The following RAB21 variants were observed in gnomAD, a reference collection of about 807,000 sequenced individuals.
RAB21 encodes the protein ras-related protein Rab-21.
A neutral mutation model predicts 33.1 loss-of-function variants in RAB21; 13 were observed. The observed-to-expected ratio is 0.39, with a 90% CI of 0.26 to 0.62. The LOEUF (loss-of-function observed/expected upper bound fraction) is 0.62. RAB21 is among the 20% of genes least tolerant of loss of function. The pLI, the probability that RAB21 is intolerant of heterozygous loss-of-function variation, is 0.48. For synonymous variants in RAB21, 91 were observed against 103.7 expected (o/e 0.88, Z 0.74); for missense variants, 234 against 279.1 (o/e 0.84, Z 1.15).
At position 71,792,503 on chromosome 12, in the gene RAB21, T is replaced by A. The variant is rs1883401191; in HGVS notation, c.*6830T>A. ...TGTCAAGACTATAGCTTAGCATATG[T>A]GTGCTATGACACAAGGTTAAACGTG... On this transcript the variant is annotated 3_prime_UTR_variant, in exon 7 of 7. Coordinates refer to ENST00000261263, the MANE Select transcript of RAB21 (RefSeq NM_014999.4). The A allele has an allele frequency of 6.6e-6, 1 of 152,240 alleles. No individual in the cohort carries two copies. Among genetic ancestry groups the A allele is most frequent in the Non-Finnish European group, 1.5e-5 (1 of 68,034 alleles). 9.4% of individuals were successfully genotyped at this position (152,240 alleles called of 1,614,324 possible).
rs1171123800 is a variant in RAB21, at chr12:71,797,445, A to G, written c.*11772A>G. Reference sequence around the variant, plus strand: ...ATAAACAAGTTATATGCGTGACCACAAAACCAAAACTTTGTATTTCACATG... The same window carrying G: ...ATAAACAAGTTATATGCGTGACCACGAAACCAAAACTTTGTATTTCACATG... On this transcript the variant is annotated 3_prime_UTR_variant, in exon 7 of 7. Transcript: ENST00000261263. The G allele has an allele frequency of 6.6e-6, 1 of 152,110 alleles. No individual in the cohort carries two copies. Among genetic ancestry groups the G allele is most frequent in the East Asian group, 1.9e-4 (1 of 5,200 alleles). 9.4% of individuals were successfully genotyped at this position (152,110 alleles called of 1,614,324 possible).
chr12:71,762,979 G>C (rs753891133), intron 1 of RAB21, among the ~76,000 whole-genome samples: 4 of 152,060 alleles, frequency 2.6e-5, no homozygotes, highest in Non-Finnish European at 5.9e-5. Context: ...AAGTATGGAA[G>C]TGGTAATGCT....
intron 1 of RAB21, among the ~76,000 whole-genome samples, chr12:71,759,843 C>T (rs530816989): frequency 1.3e-5 from 2 of 152,328 alleles, no homozygotes; most frequent in South Asian, 4.1e-4. Context: ...TGAATTCTTA[C>T]TCCCACTTCA....
Position 71,795,455 on chromosome 12 carries a change from G to C in RAB21, c.*9782G>C, listed in dbSNP as rs1883455365. On this transcript the variant is annotated 3_prime_UTR_variant, in exon 7 of 7. Coordinates refer to ENST00000261263, the MANE Select transcript of RAB21 (RefSeq NM_014999.4). Reference sequence around the variant, plus strand: ...AGTCAGCTTAAACATCATTAGGGAAGACTATGACTGTTTCTATGACCTCTA... The same window carrying C: ...AGTCAGCTTAAACATCATTAGGGAACACTATGACTGTTTCTATGACCTCTA... 1 of 92,314 alleles carries C rather than the reference G, an allele frequency of 1.1e-5. No homozygotes were observed. The highest frequency in any genetic ancestry group is 5.6e-5 in the African/African-American group (1 of 17,928). The allele number at this position is 92,314 out of a possible 1,614,324, so 5.7% of individuals were successfully genotyped here. A position where few individuals can be genotyped will look rare whatever the true frequency, so the allele number is the denominator to read the frequency against.
At chr12:71,775,768 C>T (rs1052704896) in intron 4 of RAB21, among the ~76,000 whole-genome samples, 1 of 152,172 alleles carries the variant, frequency 6.6e-6, no homozygotes, top group Non-Finnish European at 1.5e-5. Context: ...AACTCCTGAC[C>T]TCATGACCCA....
intron 1 of RAB21, among the ~76,000 whole-genome samples, chr12:71,763,489 G>A (rs1034112851): frequency 1.3e-5 from 2 of 150,890 alleles, no homozygotes. Flanking sequence ...ATTACCTGTC[G>A]ATTTTTTTTT....
chr12:71,755,127 G>T lies in RAB21; in HGVS notation c.-3G>T. ...CGGGCTCGGGCGGCCGGGAAGCGAC[G>T]GGATGGCTGCGGCCGGCGGCGGCGG... is the stretch of plus-strand genomic sequence containing the variant. On this transcript the variant is annotated 5_prime_UTR_variant, in exon 1 of 7. Coordinates refer to ENST00000261263, the MANE Select transcript of RAB21 (RefSeq NM_014999.4). 2.5e-6 allele frequency: 3 copies of T among 1,212,326 alleles called. No homozygotes were observed. Among genetic ancestry groups the T allele is most frequent in the Middle Eastern group, 2.8e-4 (1 of 3,584 alleles). The allele number at this position is 1,212,326 out of a possible 1,614,324, so 75.1% of individuals were successfully genotyped here.
At chr12:71,763,338 C>A (rs1882907934) in intron 1 of RAB21, among the ~76,000 whole-genome samples, 1 of 151,940 alleles carries the variant, frequency 6.6e-6, no homozygotes, top group Non-Finnish European at 1.5e-5. Context: ...GCAAATGGTC[C>A]CGCTAACAGA....
intron 4 of RAB21, among the ~76,000 whole-genome samples, chr12:71,774,966 T>C (rs1205900957): frequency 2.0e-5 from 3 of 152,124 alleles, no homozygotes; most frequent in African/African-American, 4.8e-5. Flanking sequence ...ATTAAGGAAA[T>C]GACTTCGGCT....
In RAB21 at chr12:71,789,508, A is replaced by G. The variant is rs1229053855; in HGVS notation, c.*3835A>G. On this transcript the variant is annotated 3_prime_UTR_variant, in exon 7 of 7. Coordinates refer to ENST00000261263, the MANE Select transcript of RAB21 (RefSeq NM_014999.4). ...GTAGAGTTTTCAGTTTTCTCTGTAG[A>G]TTCAGTGTGACAAAGAGGGAATACA... The G allele has an allele frequency of 6.6e-6, 1 of 152,090 alleles. No homozygotes were observed. The highest frequency in any genetic ancestry group is 1.9e-4 in the East Asian group (1 of 5,198). 9.4% of individuals were successfully genotyped at this position (152,090 alleles called of 1,614,324 possible).
chr12:71,769,964 AAAG>A, intron 2 of RAB21, 105 bp downstream of exon 2: 2 of 481,276 alleles, frequency 4.2e-6, no homozygotes, highest in Non-Finnish European at 6.9e-6. Flanking sequence ...TTTTAATTAA[AAAG>A]AATCTTAAAA....
chr12:71,784,138 A>G (rs973268113), intron 6 of RAB21, among the ~76,000 whole-genome samples: 2 of 152,224 alleles, frequency 1.3e-5, no homozygotes, highest in African/African-American at 4.8e-5. Context: ...TAAACCATTA[A>G]TCAAGAGCAG....
In RAB21 at chr12:71,785,879, G is replaced by GTTTTTTTTTGTT. The variant is rs1883278638; in HGVS notation, c.*215_*226dup. ...CAGAGAATTGGCATTTTCTACAAATGTTTTTTTTTGTTTTTTTTTTGTTTT... is the reference window on the plus strand; with the variant it reads ...CAGAGAATTGGCATTTTCTACAAATGTTTTTTTTTGTTTTTTTTTTTGTTTTTTTTTTGTTTT... On this transcript the variant is annotated 3_prime_UTR_variant, in exon 7 of 7. Transcript: ENST00000261263. 2.5e-5 allele frequency: 10 copies of GTTTTTTTTTGTT among 398,218 alleles called. No homozygotes were observed. Among genetic ancestry groups the GTTTTTTTTTGTT allele is most frequent in the East Asian group, 1.1e-4 (2 of 18,182 alleles). The allele number at this position is 398,218 out of a possible 1,614,324, so 24.7% of individuals were successfully genotyped here.
chr12:71,782,123 A>G (rs773903335), intron 5 of RAB21, 38 bp downstream of exon 5: 11 of 1,545,894 alleles, frequency 7.1e-6, no homozygotes, highest in Non-Finnish European at 9.8e-6. Flanking sequence ...ATCACTCCCT[A>G]GTAGAAATCT....
chr12:71,764,528 A>C (rs956068146), intron 1 of RAB21, among the ~76,000 whole-genome samples: 3 of 151,978 alleles, frequency 2.0e-5, no homozygotes, highest in Non-Finnish European at 4.4e-5. Context: ...TAAGTTCTTT[A>C]GTGGTGATTT....
intron 4 of RAB21, 53 bp downstream of exon 4, chr12:71,774,075 T>A: frequency 8.1e-7 from 1 of 1,239,780 alleles, no homozygotes; most frequent in South Asian, 1.4e-5. Context: ...CCTTAATGTT[T>A]TATTGAAGAC....
intron 5 of RAB21, 92 bp from the exon 6 acceptor site, chr12:71,782,478 A>AAGT (rs1883215964): frequency 1.3e-6 from 1 of 778,050 alleles, no homozygotes; most frequent in African/African-American, 1.8e-5. Flanking sequence ...GAGTAAATTA[A>AAGT]TATGTCACTA....
chr12:71,785,084 G>A (rs1883264452), intron 6 of RAB21, among the ~76,000 whole-genome samples: 1 of 152,258 alleles, frequency 6.6e-6, no homozygotes, highest in African/African-American at 2.4e-5. Context: ...GTATCAAAGC[G>A]AGACCCTGTC....
chr12:71,763,276 C>T (rs1410794167), intron 1 of RAB21, among the ~76,000 whole-genome samples: 2 of 151,568 alleles, frequency 1.3e-5, no homozygotes, highest in East Asian at 3.9e-4. Flanking sequence ...TTATAATTAT[C>T]AAATACTACT....
Sources: allele counts gnomAD v4.1 joint callset (sites outside exome capture counted in the v4.1 genomes callset), GRCh38; gene constraint gnomAD v4.1.1; transcripts MANE v1.5; gene names NCBI Gene and HGNC (gene_info 2026-07-23, HGNC 2026-07-21).